The following DPP6 variants were observed in gnomAD, a reference collection of about 807,000 sequenced individuals.
The protein encoded by DPP6 is A-type potassium channel modulatory protein DPP6.
A neutral mutation model predicts 122.6 loss-of-function variants in DPP6; 69 were observed. That is an observed-to-expected ratio of 0.56 (90% CI 0.46 to 0.69). The LOEUF is 0.69. DPP6 is among the 30% of genes least tolerant of loss of function. DPP6 has a pLI of 0.00. For synonymous variants in DPP6, 418 were observed against 433.1 expected, an observed-to-expected ratio of 0.97 and a Z score of 0.43; for missense variants, 928 against 1,116.9, an observed-to-expected ratio of 0.83 and a Z score of 2.41.
At chr7:153,868,584 G>C in the DPP6 span, among the ~76,000 whole-genome samples, 1 of 151,582 alleles carries the variant, frequency 6.6e-6, no homozygotes, top group Non-Finnish European at 1.5e-5. Context: ...CAATTTTGTT[G>C]ATCTTTTAAA....
At chr7:154,261,697 AAAAC>A (rs1264822651) in intron 1 of DPP6, among the ~76,000 whole-genome samples, 5 of 152,158 alleles carry the variant, frequency 3.3e-5, no homozygotes, top group East Asian at 3.9e-4. Flanking sequence ...TAGCAAGAAA[AAAAC>A]AAACAATCCC....
chr7:153,943,225 C>T (rs1357803281), intron 1 of DPP6, among the ~76,000 whole-genome samples: 2 of 152,180 alleles, frequency 1.3e-5, no homozygotes, highest in African/African-American at 4.8e-5. Context: ...CTCTAATGGC[C>T]AGCTCATGAC....
chr7:154,058,613 C>CG (rs200406637), intron 1 of DPP6: 3,728 of 151,166 alleles, frequency 0.025, 98 homozygotes, highest in East Asian at 0.067. Flanking sequence ...CCTCTTCCCC[C>CG]CCCAGCTTAG....
intron 16 of DPP6, among the ~76,000 whole-genome samples, chr7:154,829,119 A>G (rs552602729): frequency 1.3e-5 from 2 of 152,158 alleles, no homozygotes; most frequent in East Asian, 2.0e-4. Flanking sequence ...GCAGTGGCTC[A>G]TGCCTGTAAT....
intron 1 of DPP6, among the ~76,000 whole-genome samples, chr7:154,368,010 G>A (rs1266995131): frequency 6.6e-6 from 1 of 152,100 alleles, no homozygotes; most frequent in Non-Finnish European, 1.5e-5. Context: ...GTTTTACCAT[G>A]TTGGCCAGGC....
chr7:154,859,235 G>A (rs1803103149), intron 17 of DPP6, among the ~76,000 whole-genome samples: 1 of 152,258 alleles, frequency 6.6e-6, no homozygotes, highest in Non-Finnish European at 1.5e-5. Context: ...CGCCTCTGTT[G>A]AACAGTGTGC....
intron 1 of DPP6, among the ~76,000 whole-genome samples, chr7:154,280,688 C>T (rs1804443666): frequency 2.0e-5 from 3 of 152,276 alleles, no homozygotes; most frequent in South Asian, 4.1e-4. Flanking sequence ...CAGGCTAAAA[C>T]ATCACTCCCA....
rs1804566102 is a variant in DPP6, at chr7:154,282,261, G to C, written c.244-163953G>C. Among the ~76,000 whole-genome samples the C allele has an allele frequency of 6.6e-6, 1 of 152,140 alleles. No homozygotes were observed. The highest frequency in any genetic ancestry group is 2.4e-5 in the African/African-American group (1 of 41,424). On this transcript the variant is annotated intron_variant, in intron 1 of 25. Transcript: ENST00000377770. The surrounding 1 kb of genome is among the most constrained non-coding windows in gnomAD (Gnocchi z 4.8). ...CATTGATGGTGGCAGCTTTAGCCAGGCAGTGGTTTCCCTGTTGTACAATTC... is the reference window on the plus strand; with the variant it reads ...CATTGATGGTGGCAGCTTTAGCCAGCCAGTGGTTTCCCTGTTGTACAATTC...
At chr7:153,877,675 T>C in the DPP6 span, among the ~76,000 whole-genome samples, 28 of 152,290 alleles carry the variant, frequency 1.8e-4, no homozygotes, top group African/African-American at 6.0e-4. Flanking sequence ...ACCAATCTTA[T>C]TAATTAAATT....
At chr7:154,053,599 T>G (rs1410052304) in intron 1 of DPP6, among the ~76,000 whole-genome samples, 1 of 151,876 alleles carries the variant, frequency 6.6e-6, no homozygotes, top group Admixed American at 6.6e-5. Flanking sequence ...TAGACACTTT[T>G]TCCCCCCAGC....
In DPP6 at chr7:154,877,866, G is replaced by C. The variant is rs1805026797; in HGVS notation, c.2078+1766G>C. On this transcript the variant is annotated intron_variant, in intron 20 of 25. Coordinates refer to ENST00000377770, the MANE Select transcript of DPP6 (RefSeq NM_130797.4). This position sits in a 1 kb window ranked among gnomAD's most constrained non-coding sequence, Gnocchi z 5.2. ...GAGCAGAGGATGTGGGGTGACAAGG[G>C]AATGCTGGGGTTCAGTGTGGAAGGA... Among the ~76,000 whole-genome samples the C allele has an allele frequency of 6.6e-6, 1 of 152,176 alleles. No homozygotes were observed. Among genetic ancestry groups the C allele is most frequent in the Admixed American group, 6.5e-5 (1 of 15,288 alleles).
rs138532172 is a variant in DPP6, at chr7:154,798,433, G to A, written c.1299+2550G>A. Among the ~76,000 whole-genome samples the A allele has an allele frequency of 2.6e-5, 4 of 152,350 alleles. No individual in the cohort carries two copies. In the East Asian group the frequency reaches 7.7e-4, roughly 29 times the overall value. The stretch of plus-strand genomic sequence containing the variant: ...GCAGAATCCAGTCAACACTTAAAAG[G>A]TGGCATGAATTAAAATAATTCTTAC... On this transcript the variant is annotated intron_variant, in intron 12 of 25. Transcript: ENST00000377770.
chr7:154,187,880 T>A (rs551868409), intron 1 of DPP6, among the ~76,000 whole-genome samples: 9 of 152,262 alleles, frequency 5.9e-5, no homozygotes, highest in African/African-American at 1.9e-4. Context: ...CCCACTCTAA[T>A]TAAGTCAGAG....
chr7:154,886,948 C>T (rs1013831987), intron 22 of DPP6, among the ~76,000 whole-genome samples: 1 of 152,250 alleles, frequency 6.6e-6, no homozygotes, highest in Non-Finnish European at 1.5e-5. Flanking sequence ...AGGAATCTTC[C>T]CTCAGGAATG....
intron 1 of DPP6, among the ~76,000 whole-genome samples, chr7:154,015,804 T>A (rs1037884930): frequency 6.6e-5 from 10 of 151,934 alleles, no homozygotes; most frequent in African/African-American, 2.2e-4. Flanking sequence ...TCCCAAGAGG[T>A]CCCTGCTTCC....
intron 25 of DPP6, chr7:154,890,756 C>CG (rs1806536164): frequency 6.6e-6 from 1 of 152,212 alleles, no homozygotes; most frequent in African/African-American, 2.4e-5. Flanking sequence ...GCACGGGAGA[C>CG]GGGGGCCTGA....
chr7:154,617,858 G>A (rs1383837990), intron 5 of DPP6, among the ~76,000 whole-genome samples: 1 of 152,152 alleles, frequency 6.6e-6, no homozygotes, highest in Non-Finnish European at 1.5e-5. Context: ...AACCCAGGAG[G>A]ACAAAGATTC....
At chr7:154,270,329 C>T (rs955942491) in intron 1 of DPP6, among the ~76,000 whole-genome samples, 7 of 152,138 alleles carry the variant, frequency 4.6e-5, no homozygotes, top group Admixed American at 4.6e-4. Flanking sequence ...AAAATATGAT[C>T]ATTACTGTTT....
intron 5 of DPP6, among the ~76,000 whole-genome samples, chr7:154,574,417 G>A (rs1831339213): frequency 7.0e-6 from 1 of 142,952 alleles, no homozygotes; most frequent in Admixed American, 7.0e-5. Context: ...TATGTGTGGT[G>A]TGTATATGTG....
Sources: gnomAD v4.1 joint callset for allele counts (sites outside exome capture counted in the v4.1 genomes callset) on GRCh38, gnomAD v4.1.1 for gene constraint, Gnocchi (gnomAD v3.1) non-coding constraint, MANE v1.5 for transcripts, NCBI Gene and HGNC (gene_info 2026-07-23, HGNC 2026-07-21) for gene names.